FBXL17: variants seen among roughly 807,000 people sequenced by gnomAD.
The protein encoded by FBXL17 is F-box/LRR-repeat protein 17.
FBXL17 carries 22 observed loss-of-function variants against 66.2 expected under a neutral mutation model. The ratio of observed to expected loss-of-function variants is 0.33; its 90% CI spans 0.24 to 0.47. FBXL17 has a LOEUF of 0.47. Among genes scored for constraint, FBXL17 ranks in the 20% least tolerant of loss-of-function variants. The probability of loss-of-function intolerance (pLI) is 1.00; values close to 1 mark genes in which losing one functional copy is unlikely to be tolerated. For missense variants in FBXL17, 878 were observed against 948.2 expected, an observed-to-expected ratio of 0.93 and a Z score of 0.97; for synonymous variants, 474 against 400.5, an observed-to-expected ratio of 1.18 and a Z score of -2.19.
chr5:108,228,749 T>C (rs1437724095), intron 4 of FBXL17, among the ~76,000 whole-genome samples: 2 of 152,190 alleles, frequency 1.3e-5, no homozygotes, highest in Non-Finnish European at 2.9e-5. Context: ...TTCTCCTGGT[T>C]ATCACAAGAG....
intron 8 of FBXL17, among the ~76,000 whole-genome samples, chr5:107,862,789 G>GATCTATAA (rs1748162862): frequency 7.0e-6 from 1 of 143,498 alleles, no homozygotes; most frequent in Admixed American, 7.2e-5. Context: ...GAAAAGATCA[G>GATCTATAA]GACCACTAGG....
intron 7 of FBXL17, among the ~76,000 whole-genome samples, chr5:107,958,146 A>T (rs1173000292): frequency 2.0e-5 from 3 of 152,060 alleles, no homozygotes; most frequent in Admixed American, 2.0e-4. Flanking sequence ...CTTGAAAAAA[A>T]AAAAAGAAAC....
intron 8 of FBXL17, among the ~76,000 whole-genome samples, chr5:107,862,064 C>T (rs1388783386): frequency 6.6e-6 from 1 of 152,012 alleles, no homozygotes; most frequent in Non-Finnish European, 1.5e-5. Flanking sequence ...CACACCTGCC[C>T]TTAGGGATTT....
intron 6 of FBXL17, among the ~76,000 whole-genome samples, chr5:108,135,155 T>C (rs776203590): frequency 6.6e-6 from 1 of 152,076 alleles, no homozygotes; most frequent in African/African-American, 2.4e-5. Flanking sequence ...ATCATCTTAC[T>C]GCTGTGCTGA....
intron 7 of FBXL17, among the ~76,000 whole-genome samples, chr5:107,954,475 T>C (rs1751596917): frequency 6.6e-6 from 1 of 152,240 alleles, no homozygotes; most frequent in African/African-American, 2.4e-5. Flanking sequence ...GAAGGAGCAC[T>C]GTTACAGAGT....
At chr5:108,296,804 T>C (rs1758365910) in intron 4 of FBXL17, among the ~76,000 whole-genome samples, 1 of 151,714 alleles carries the variant, frequency 6.6e-6, no homozygotes, top group South Asian at 2.1e-4. Flanking sequence ...TACTAATACA[T>C]ACTTCGACAG....
At chr5:108,233,816 G>C (rs1057173905) in intron 4 of FBXL17, among the ~76,000 whole-genome samples, 1 of 152,158 alleles carries the variant, frequency 6.6e-6, no homozygotes, top group African/African-American at 2.4e-5. Context: ...TAAAGCTTCA[G>C]TTTAGAAATC....
chr5:107,943,905 G>A (rs1751198515), intron 7 of FBXL17, among the ~76,000 whole-genome samples: 1 of 152,126 alleles, frequency 6.6e-6, no homozygotes, highest in Non-Finnish European at 1.5e-5. Context: ...GTTACATTAG[G>A]TGGTGAGGTA....
intron 7 of FBXL17, among the ~76,000 whole-genome samples, chr5:107,915,949 C>T (rs1046117524): frequency 6.6e-6 from 1 of 152,190 alleles, no homozygotes; most frequent in Non-Finnish European, 1.5e-5. Flanking sequence ...CCTTGGACTT[C>T]TCTTCTTTTT....
intron 6 of FBXL17, among the ~76,000 whole-genome samples, chr5:108,177,911 G>GTATATATATATATATATATATATA (rs70996985): frequency 8.7e-5 from 10 of 115,246 alleles, no homozygotes; most frequent in African/African-American, 1.5e-4. Context: ...AAAAAAAAAT[G>GTATATATATATATATATATATATA]TATATATATA....
intron 6 of FBXL17, among the ~76,000 whole-genome samples, chr5:108,066,912 A>T (rs1408073466): frequency 6.6e-6 from 1 of 152,100 alleles, no homozygotes; most frequent in Non-Finnish European, 1.5e-5. Flanking sequence ...GAATATTGAA[A>T]ATGAGCACTA....
intron 6 of FBXL17, among the ~76,000 whole-genome samples, chr5:108,108,190 C>T (rs781045418): frequency 6.6e-6 from 1 of 152,212 alleles, no homozygotes; most frequent in Non-Finnish European, 1.5e-5. Flanking sequence ...TATACCCCAC[C>T]TTCTACATCC....
At chr5:107,970,149 T>C (rs1406465585) in intron 7 of FBXL17, among the ~76,000 whole-genome samples, 2 of 152,176 alleles carry the variant, frequency 1.3e-5, no homozygotes, top group African/African-American at 4.8e-5. Flanking sequence ...GCTGTTTAAT[T>C]TGGGAGTTGG....
chr5:107,938,773 C>T (rs181199203), intron 7 of FBXL17, among the ~76,000 whole-genome samples: 1 of 152,108 alleles, frequency 6.6e-6, no homozygotes, highest in Non-Finnish European at 1.5e-5. Context: ...TAGAAAACAG[C>T]CAGATGCTTC....
chr5:108,157,299 T>C (rs1752032496), intron 6 of FBXL17, among the ~76,000 whole-genome samples: 1 of 151,790 alleles, frequency 6.6e-6, no homozygotes, highest in African/African-American at 2.4e-5. Flanking sequence ...CCATTGCAAA[T>C]AATTCATTTC....
At chr5:108,045,738 A>C (rs552774511) in intron 6 of FBXL17, among the ~76,000 whole-genome samples, 1 of 152,260 alleles carries the variant, frequency 6.6e-6, no homozygotes, top group African/African-American at 2.4e-5. Context: ...ATTATTTAGA[A>C]GTCTTTTCTG....
intron 7 of FBXL17, among the ~76,000 whole-genome samples, chr5:107,908,229 C>T (rs890112247): frequency 6.6e-6 from 1 of 152,102 alleles, no homozygotes; most frequent in South Asian, 2.1e-4. Flanking sequence ...CATGATTCTA[C>T]CTGGCAGTAG....
intron 8 of FBXL17, among the ~76,000 whole-genome samples, chr5:107,864,022 G>C (rs557268274): frequency 7.9e-5 from 12 of 152,352 alleles, no homozygotes; most frequent in African/African-American, 2.9e-4. Context: ...TTATCTTTGG[G>C]CTGTTCAAAA....
chr5:108,288,071 TATGAACATTA>T (rs1561508482), intron 4 of FBXL17, among the ~76,000 whole-genome samples: 1 of 151,736 alleles, frequency 6.6e-6, no homozygotes, highest in Non-Finnish European at 1.5e-5. Context: ...ACTGAGTACA[TATGAACATTA>T]AGAAGAGAAC....
Sources: gnomAD v4.1 joint callset for allele counts (sites outside exome capture counted in the v4.1 genomes callset) on GRCh38, gnomAD v4.1.1 for gene constraint, MANE v1.5 for transcripts, NCBI Gene and HGNC (gene_info 2026-07-23, HGNC 2026-07-21) for gene names.